CYP4X1: variants seen among roughly 807,000 people sequenced by gnomAD.
The protein encoded by CYP4X1 is cytochrome P450 family 4 subfamily X member 1, also known as cytochrome P450 4X1.
Under a neutral mutation model 57.9 loss-of-function variants are expected in CYP4X1, and 44 were observed. That is an observed-to-expected ratio of 0.76 (90% CI 0.60 to 0.98). The LOEUF is 0.98. Among genes scored for constraint, CYP4X1 ranks in the 50% least tolerant of loss-of-function variants. CYP4X1 has a pLI of 0.00. For synonymous variants in CYP4X1, 227 were observed against 228.6 expected (o/e 0.99, Z 0.06); for missense variants, 532 against 623.9 (o/e 0.85, Z 1.57).
the CYP4X1 span, among the ~76,000 whole-genome samples, chr1:46,982,138 GA>G: frequency 9.9e-5 from 15 of 152,004 alleles, no homozygotes; most frequent in South Asian, 8.3e-4. Flanking sequence ...AATAAAAAAA[GA>G]AAAAAATCCA....
chr1:46,963,276 G>A, the CYP4X1 span, among the ~76,000 whole-genome samples: 1 of 152,136 alleles, frequency 6.6e-6, no homozygotes, highest in Non-Finnish European at 1.5e-5. Context: ...ATTGTTATGT[G>A]TGAATTTGAT....
intron 10 of CYP4X1, 129 bp downstream of exon 10, chr1:47,048,758 A>C: frequency 2.2e-6 from 2 of 889,558 alleles, no homozygotes; most frequent in Non-Finnish European, 3.5e-6. Context: ...ATAAACATAA[A>C]AGCCAAAAGA....
the CYP4X1 span, among the ~76,000 whole-genome samples, chr1:46,976,428 T>G: frequency 6.6e-6 from 1 of 152,010 alleles, no homozygotes; most frequent in Admixed American, 6.5e-5. Context: ...CTTGAGTAGG[T>G]AAACAAAGCA....
chr1:46,975,155 G>C, the CYP4X1 span, among the ~76,000 whole-genome samples: 1 of 152,130 alleles, frequency 6.6e-6, no homozygotes. Flanking sequence ...TTTAAGTGGG[G>C]TATTTAGCCT....
upstream of CYP4X1, among the ~76,000 whole-genome samples, chr1:47,018,796 A>AT (rs2148500172): frequency 7.3e-6 from 1 of 136,836 alleles, no homozygotes; most frequent in East Asian, 2.5e-4. Flanking sequence ...GGGAAAAAAG[A>AT]AAAAAATTGA....
chr1:46,984,969 C>T, the CYP4X1 span, among the ~76,000 whole-genome samples: 2 of 152,202 alleles, frequency 1.3e-5, no homozygotes, highest in Non-Finnish European at 2.9e-5. Context: ...TTGAAATTCT[C>T]GCTGCCAGCA....
chr1:47,042,065 C>A (rs772619182), intron 8 of CYP4X1, among the ~76,000 whole-genome samples: 26 of 151,962 alleles, frequency 1.7e-4, no homozygotes, highest in Non-Finnish European at 3.8e-4. Context: ...TTACTGGAAC[C>A]TTTGTAGATC....
chr1:47,010,504 A>G, the CYP4X1 span, among the ~76,000 whole-genome samples: 3,282 of 152,314 alleles, frequency 0.022, 79 homozygotes, highest in African/African-American at 0.057. Flanking sequence ...CTGGCACAAG[A>G]CAGGGATGCC....
the CYP4X1 span, among the ~76,000 whole-genome samples, chr1:46,977,265 G>A: frequency 6.6e-6 from 1 of 152,230 alleles, no homozygotes; most frequent in African/African-American, 2.4e-5. Context: ...AATAAACAGT[G>A]TAGAGCAGAC....
the CYP4X1 span, among the ~76,000 whole-genome samples, chr1:46,978,892 A>G: frequency 6.6e-6 from 1 of 152,220 alleles, no homozygotes; most frequent in African/African-American, 2.4e-5. Context: ...ACATAACGAA[A>G]TGAAGGCAGA....
At chr1:47,002,879 T>G in the CYP4X1 span, 1 of 152,216 alleles carries the variant, frequency 6.6e-6, no homozygotes, top group African/African-American at 2.4e-5. Flanking sequence ...TAAAAAGTAG[T>G]TATAAATATG....
chr1:46,979,402 T>G, the CYP4X1 span, among the ~76,000 whole-genome samples: 1 of 152,144 alleles, frequency 6.6e-6, no homozygotes, highest in Non-Finnish European at 1.5e-5. Context: ...CCTGGAGACA[T>G]ACACCCTCCC....
chr1:46,969,961 C>T, the CYP4X1 span, among the ~76,000 whole-genome samples: 1 of 152,318 alleles, frequency 6.6e-6, no homozygotes, highest in South Asian at 2.1e-4. Context: ...AGACAACACA[C>T]ATCGGTTAAA....
the CYP4X1 span, among the ~76,000 whole-genome samples, chr1:46,989,509 C>A: frequency 6.6e-6 from 1 of 152,208 alleles, no homozygotes; most frequent in East Asian, 1.9e-4. Flanking sequence ...CTATCCCCAT[C>A]AAGCTACCAT....
rs747323226 is a variant in CYP4X1, at chr1:47,050,076, A to T, written c.1432A>T (p.Thr478Ser). 2 of 1,613,948 alleles carry T rather than the reference A, an allele frequency of 1.2e-6. No individual in the cohort carries two copies. The highest frequency in any genetic ancestry group is 3.3e-4 in the Middle Eastern group (2 of 6,062). The change falls in exon 12 of 12, where the codon ACT becomes TCT. Residue 478 changes from threonine to serine, a missense_variant. Transcript: ENST00000371901. ...IALILLHFRV[T>S]PDPTRPLTFP... ...CTTGATTCTGCTCCACTTCAGAGTG[A>T]CTCCAGACCCCACCAGGCCTCTTAC...
chr1:47,023,582 C>G, upstream of CYP4X1: 1 of 1,301,846 alleles, frequency 7.7e-7, no homozygotes, highest in Non-Finnish European at 9.7e-7. Flanking sequence ...AGCAGTTGGG[C>G]CGAACGAAGC....
chr1:47,022,993 T>C (rs1015718155), upstream of CYP4X1, among the ~76,000 whole-genome samples: 3 of 152,148 alleles, frequency 2.0e-5, no homozygotes, highest in Admixed American at 2.0e-4. Context: ...TGTACTCGAG[T>C]TTATTTATGT....
rs115238834 is a variant in CYP4X1 at position 47,050,567 on chromosome 1, C to T, written c.*393C>T. ...AATTTTAAATCTCACTTCACTTAGC[C>T]GACATTCCATGCCCTGACCAATCCT... On this transcript the variant is annotated 3_prime_UTR_variant, in exon 12 of 12. Coordinates refer to ENST00000371901, the MANE Select transcript of CYP4X1 (RefSeq NM_178033.2). The T allele has an allele frequency of 0.012, 1,953 of 163,646 alleles. 16 individuals are homozygous for T. Among genetic ancestry groups the T allele is most frequent in the Middle Eastern group, 0.041 (13 of 316 alleles). The allele number at this position is 163,646 out of a possible 1,614,324, so 10.1% of individuals were successfully genotyped here. A position where few individuals can be genotyped will look rare whatever the true frequency, so the allele number is the denominator to read the frequency against.
At chr1:46,992,951 C>CT in the CYP4X1 span, among the ~76,000 whole-genome samples, 1 of 151,922 alleles carries the variant, frequency 6.6e-6, no homozygotes, top group Non-Finnish European at 1.5e-5. Context: ...TTTTATTACA[C>CT]TTTAAGTTTT....
Sources: allele counts gnomAD v4.1 joint callset (sites outside exome capture counted in the v4.1 genomes callset), GRCh38; gene constraint gnomAD v4.1.1; transcripts MANE v1.5; gene names NCBI Gene and HGNC (gene_info 2026-07-23, HGNC 2026-07-21).